PDIA5: variants seen among roughly 807,000 people sequenced by gnomAD.
The protein encoded by PDIA5 is protein disulfide isomerase family A member 5, also known as protein disulfide-isomerase A5.
In PDIA5, 58 loss-of-function variants were observed where a neutral mutation model predicts 77.6. The ratio of observed to expected loss-of-function variants is 0.75; its 90% CI spans 0.61 to 0.93. The LOEUF is 0.93. PDIA5 is among the 40% of genes least tolerant of loss of function. PDIA5 has a pLI of 0.00. For synonymous variants in PDIA5, 250 were observed against 252.1 expected (o/e 0.99, Z 0.08); for missense variants, 630 against 647.7 (o/e 0.97, Z 0.30).
At chr3:123,138,233 A>G (rs1935544898) in intron 11 of PDIA5, among the ~76,000 whole-genome samples, 1 of 152,252 alleles carries the variant, frequency 6.6e-6, no homozygotes, top group East Asian at 1.9e-4. Context: ...AGCATGAGCC[A>G]CTGCATCTGG....
chr3:123,116,163 G>A (rs957997346), intron 7 of PDIA5, 68 bp from the exon 8 acceptor site: 18 of 1,280,670 alleles, frequency 1.4e-5, no homozygotes, highest in Non-Finnish European at 1.8e-5. Flanking sequence ...CCATGGGGAG[G>A]CAGGGCAGGG....
intron 1 of PDIA5, among the ~76,000 whole-genome samples, chr3:123,084,518 C>CCCGGT (rs929402176): frequency 2.0e-5 from 3 of 152,106 alleles, no homozygotes; most frequent in Non-Finnish European, 4.4e-5. Context: ...TCCCTCTGAG[C>CCCGGT]CCGGTCCGTG....
At chr3:123,137,463 C>T (rs1935528613) in intron 11 of PDIA5, among the ~76,000 whole-genome samples, 1 of 152,148 alleles carries the variant, frequency 6.6e-6, no homozygotes, top group African/African-American at 2.4e-5. Context: ...CTATTTCTTG[C>T]TCTAATTTTG....
chr3:123,075,246 C>T (rs1238737305), intron 1 of PDIA5, among the ~76,000 whole-genome samples: 2 of 152,086 alleles, frequency 1.3e-5, no homozygotes, highest in Non-Finnish European at 2.9e-5. Context: ...GTGAGCAGGA[C>T]GTAAAGATGT....
At chr3:123,134,466 G>A (rs1332404798) in intron 11 of PDIA5, among the ~76,000 whole-genome samples, 1 of 152,126 alleles carries the variant, frequency 6.6e-6, no homozygotes, top group Admixed American at 6.5e-5. Context: ...GCTCTCAGCA[G>A]GAAAGGCACA....
At chr3:123,124,819 G>A (rs143951649) in intron 10 of PDIA5, among the ~76,000 whole-genome samples, 1 of 152,206 alleles carries the variant, frequency 6.6e-6, no homozygotes, top group African/African-American at 2.4e-5. Context: ...AGAATTGTCA[G>A]TTGAACACTT....
At chr3:123,155,932 C>A (rs552779383) in intron 15 of PDIA5, among the ~76,000 whole-genome samples, 75 of 152,130 alleles carry the variant, frequency 4.9e-4, no homozygotes, top group Non-Finnish European at 8.1e-4. Context: ...GATAAACAGG[C>A]CAAGCAGGCC....
intron 14 of PDIA5, 89 bp downstream of exon 14, chr3:123,150,453 C>G: frequency 7.6e-7 from 1 of 1,312,652 alleles, no homozygotes; most frequent in Non-Finnish European, 1.0e-6. Context: ...CCCCAGGGAC[C>G]AAGGCAGCCG....
intron 15 of PDIA5, among the ~76,000 whole-genome samples, chr3:123,155,674 A>T (rs1479563610): frequency 1.3e-5 from 2 of 152,188 alleles, no homozygotes; most frequent in Non-Finnish European, 2.9e-5. Flanking sequence ...TTCCCTTCTC[A>T]TCCATGCCAG....
At position 123,131,459 on chromosome 3, in the gene PDIA5, T is replaced by A. The variant is rs552963119; in HGVS notation, c.910+843T>A. Among the ~76,000 whole-genome samples, 237 of 147,472 alleles carry A rather than the reference T, an allele frequency of 1.6e-3. 1 individual carries two copies. The highest frequency in any genetic ancestry group is 0.016 in the South Asian group (71 of 4,576). ...TGTCTCTAAAAACAATTTTTTAATTTAAAAAAAAAAGATATTATCTAGGGC... is the reference window on the plus strand; with the variant it reads ...TGTCTCTAAAAACAATTTTTTAATTAAAAAAAAAAAGATATTATCTAGGGC... On this transcript the variant is annotated intron_variant, in intron 11 of 16. Transcript: ENST00000316218.
intron 11 of PDIA5, among the ~76,000 whole-genome samples, chr3:123,133,520 A>G (rs1431898534): frequency 6.6e-6 from 1 of 152,244 alleles, no homozygotes; most frequent in Non-Finnish European, 1.5e-5. Flanking sequence ...TTATCAAGAC[A>G]TTTGACAAAA....
At chr3:123,120,243 G>C in intron 8 of PDIA5, among the ~76,000 whole-genome samples, 1 of 152,220 alleles carries the variant, frequency 6.6e-6, no homozygotes, top group South Asian at 2.1e-4. Context: ...CGACAGATTT[G>C]TACAGACCAG....
intron 13 of PDIA5, among the ~76,000 whole-genome samples, chr3:123,148,042 T>C (rs1935808941): frequency 6.6e-6 from 1 of 152,216 alleles, no homozygotes; most frequent in Non-Finnish European, 1.5e-5. Flanking sequence ...TCAGGCTAAG[T>C]GCTTTCAGGT....
chr3:123,079,415 C>T (rs553888297), intron 1 of PDIA5, among the ~76,000 whole-genome samples: 3 of 152,110 alleles, frequency 2.0e-5, no homozygotes, highest in South Asian at 2.1e-4. Context: ...CTCCTGACCT[C>T]GTGATCCGCC....
In PDIA5 at chr3:123,144,892, C is replaced by CA. The variant is rs375263441; in HGVS notation, c.911-620dup. ...GACAGAGCAAGACTCTATCTCAAAA[C>CA]AAAAAAAAAAGAAAGAAAAGGACAG... On this transcript the variant is annotated intron_variant, in intron 11 of 16. Coordinates refer to ENST00000316218, the MANE Select transcript of PDIA5 (RefSeq NM_006810.4). 2.3e-3 allele frequency: 338 copies of CA among 145,474 alleles called. 1 individual carries two copies. The highest frequency in any genetic ancestry group is 3.5e-3 in the Middle Eastern group (1 of 282). 9.0% of individuals were successfully genotyped at this position (145,474 alleles called of 1,614,324 possible). A position where few individuals can be genotyped will look rare whatever the true frequency, so the allele number is the denominator to read the frequency against.
intron 4 of PDIA5, 81 bp from the exon 5 acceptor site, chr3:123,102,670 A>G: frequency 8.1e-7 from 1 of 1,238,548 alleles, no homozygotes. Flanking sequence ...GCTGAATCTT[A>G]TTAAGATGCT....
intron 1 of PDIA5, among the ~76,000 whole-genome samples, chr3:123,086,748 T>A (rs1934149419): frequency 6.6e-6 from 1 of 152,228 alleles, no homozygotes; most frequent in South Asian, 2.1e-4. Flanking sequence ...CTTTGTTTCC[T>A]AGTTTCCATG....
intron 3 of PDIA5, among the ~76,000 whole-genome samples, chr3:123,095,698 G>A (rs972315172): frequency 8.1e-5 from 12 of 147,778 alleles, no homozygotes; most frequent in Non-Finnish European, 1.5e-4. Flanking sequence ...GCAGTGAGCC[G>A]AGATCACGCC....
chr3:123,097,273 A>T (rs1354308390), intron 3 of PDIA5, among the ~76,000 whole-genome samples: 1 of 152,190 alleles, frequency 6.6e-6, no homozygotes, highest in Non-Finnish European at 1.5e-5. Flanking sequence ...CTTCCAGCAC[A>T]CCACCATGCA....
Sources: gnomAD v4.1 joint callset for allele counts (sites outside exome capture counted in the v4.1 genomes callset) on GRCh38, gnomAD v4.1.1 for gene constraint, MANE v1.5 for transcripts, NCBI Gene and HGNC (gene_info 2026-07-23, HGNC 2026-07-21) for gene names.